Variants in BCKDHB observed in about 807,000 individuals in gnomAD.
BCKDHB encodes the protein branched chain keto acid dehydrogenase E1 subunit beta.
In BCKDHB, 41 loss-of-function variants were observed where a neutral mutation model predicts 48.5. That is an observed-to-expected ratio of 0.85 (90% confidence interval 0.66 to 1.10). The LOEUF is 1.10. Ranked by LOEUF, BCKDHB falls within the 50% of genes least tolerant of loss-of-function variation. The pLI, the probability that BCKDHB is intolerant of heterozygous loss-of-function variation, is 0.00. For synonymous variants in BCKDHB, 201 were observed against 174.8 expected (o/e 1.15, Z -1.18); for missense variants, 496 against 494.2 (o/e 1.00, Z -0.03).
chr6:80,458,764 C>T, the BCKDHB span, among the ~76,000 whole-genome samples: 2 of 152,060 alleles, frequency 1.3e-5, no homozygotes, highest in Non-Finnish European at 2.9e-5. Flanking sequence ...GTGACTGAGA[C>T]TTATATTCAT....
At chr6:80,125,391 A>G (rs940093201) in intron 1 of BCKDHB, among the ~76,000 whole-genome samples, 5 of 152,126 alleles carry the variant, frequency 3.3e-5, no homozygotes, top group Non-Finnish European at 5.9e-5. Flanking sequence ...CAATAAGGCT[A>G]TTTTGCTTTC....
chr6:80,385,359 TGTCTACTGTTAAAGTGA>T, the BCKDHB span, among the ~76,000 whole-genome samples: 1 of 152,180 alleles, frequency 6.6e-6, no homozygotes, highest in African/African-American at 2.4e-5. Flanking sequence ...CCTCACCAGG[TGTCTACTGTTAAAGTGA>T]GAGCACTGAT....
chr6:80,430,204 AG>A, the BCKDHB span, among the ~76,000 whole-genome samples: 3 of 152,214 alleles, frequency 2.0e-5, no homozygotes, highest in Non-Finnish European at 4.4e-5. Context: ...CTTGCGTCCC[AG>A]GTATGAAGCT....
the BCKDHB span, among the ~76,000 whole-genome samples, chr6:80,412,082 C>A: frequency 6.6e-6 from 1 of 152,020 alleles, no homozygotes; most frequent in South Asian, 2.1e-4. Context: ...CCTATTTGGC[C>A]ATCTTGGAAG....
chr6:80,173,358 A>G (rs1462454063), intron 6 of BCKDHB, among the ~76,000 whole-genome samples: 1 of 152,136 alleles, frequency 6.6e-6, no homozygotes, highest in Non-Finnish European at 1.5e-5. Context: ...TAGAGGTCAC[A>G]GTGATATTGG....
At chr6:80,453,787 C>A in the BCKDHB span, among the ~76,000 whole-genome samples, 1 of 152,090 alleles carries the variant, frequency 6.6e-6, no homozygotes, top group Non-Finnish European at 1.5e-5. Context: ...GATTATAGTG[C>A]ATTATTTTCC....
chr6:80,189,372 TA>T (rs1272828492), intron 6 of BCKDHB, among the ~76,000 whole-genome samples: 1 of 152,192 alleles, frequency 6.6e-6, no homozygotes, highest in Admixed American at 6.5e-5. Flanking sequence ...TCTTTGGTGA[TA>T]AGAGTGTTTT....
intron 9 of BCKDHB, among the ~76,000 whole-genome samples, chr6:80,282,431 G>T (rs1766374468): frequency 6.6e-6 from 1 of 152,016 alleles, no homozygotes; most frequent in Admixed American, 6.6e-5. Context: ...CCTCACTTAG[G>T]AGTTAAACAC....
the BCKDHB span, among the ~76,000 whole-genome samples, chr6:80,368,795 G>A: frequency 6.6e-6 from 1 of 152,098 alleles, no homozygotes; most frequent in Non-Finnish European, 1.5e-5. Context: ...CGGATCACTG[G>A]AATTGAGGAG....
At chr6:80,374,060 T>C in the BCKDHB span, 4 of 680,600 alleles carry the variant, frequency 5.9e-6, no homozygotes, top group East Asian at 1.3e-4. Context: ...TCTTCTGGGA[T>C]ATCTTTTTCT....
At chr6:80,183,134 T>G (rs1172187399) in intron 6 of BCKDHB, among the ~76,000 whole-genome samples, 1 of 152,156 alleles carries the variant, frequency 6.6e-6, no homozygotes, top group Non-Finnish European at 1.5e-5. Flanking sequence ...TTCTACAACC[T>G]GTATCTCTTA....
the BCKDHB span, among the ~76,000 whole-genome samples, chr6:80,388,379 T>G: frequency 6.6e-6 from 1 of 152,164 alleles, no homozygotes; most frequent in African/African-American, 2.4e-5. Flanking sequence ...GACCCTGCCA[T>G]TATCTGCAGA....
intron 9 of BCKDHB, among the ~76,000 whole-genome samples, chr6:80,311,547 T>C (rs1768160951): frequency 6.6e-6 from 1 of 152,208 alleles, no homozygotes; most frequent in Non-Finnish European, 1.5e-5. Flanking sequence ...CTTCTAGGGT[T>C]TTTATAGTTT....
At chr6:80,284,654 T>G (rs1450455646) in intron 9 of BCKDHB, among the ~76,000 whole-genome samples, 1 of 152,154 alleles carries the variant, frequency 6.6e-6, no homozygotes, top group Non-Finnish European at 1.5e-5. Context: ...AAGGATATAA[T>G]TCATGACTGT....
chr6:80,347,027 A>G (rs779820349), downstream of BCKDHB, among the ~76,000 whole-genome samples: 6 of 152,070 alleles, frequency 3.9e-5, no homozygotes, highest in Middle Eastern at 3.4e-3. Flanking sequence ...ACACTTTTCT[A>G]TAACTACAAT....
rs146246327 is a variant in BCKDHB at position 80,180,775 on chromosome 6, A to G, written c.742+9385A>G. Among the ~76,000 whole-genome samples the G allele has an allele frequency of 6.9e-3, 1,045 of 152,328 alleles. 7 individuals are homozygous for G. The highest frequency in any genetic ancestry group is 0.012 in the Non-Finnish European group (797 of 68,020). ...AGACTTAAAATATTTTTTGCCAAGT[A>G]TCAGTGTACGTAAAGAGAGAAATTA... On this transcript the variant is annotated intron_variant, in intron 6 of 9. Coordinates refer to ENST00000320393, the MANE Select transcript of BCKDHB (RefSeq NM_183050.4).
At chr6:80,241,751 T>C (rs1478802756) in intron 8 of BCKDHB, among the ~76,000 whole-genome samples, 2 of 152,224 alleles carry the variant, frequency 1.3e-5, no homozygotes, top group Admixed American at 1.3e-4. Context: ...AGTTGTACCA[T>C]TTACACGCTC....
intron 6 of BCKDHB, among the ~76,000 whole-genome samples, chr6:80,198,759 C>T (rs1008643243): frequency 5.9e-5 from 9 of 152,034 alleles, no homozygotes; most frequent in South Asian, 2.1e-4. Flanking sequence ...CACTAACATA[C>T]GGTAAATATC....
At chr6:80,233,904 A>G (rs778255787) in intron 8 of BCKDHB, among the ~76,000 whole-genome samples, 1 of 152,204 alleles carries the variant, frequency 6.6e-6, no homozygotes, top group Non-Finnish European at 1.5e-5. Context: ...GACTGGTTTC[A>G]TAGAAGACAG....
Sources: gnomAD v4.1 joint callset for allele counts (sites outside exome capture counted in the v4.1 genomes callset) on GRCh38, gnomAD v4.1.1 for gene constraint, MANE v1.5 for transcripts, NCBI Gene and HGNC (gene_info 2026-07-23, HGNC 2026-07-21) for gene names.